Variants in RIMS1 observed in about 807,000 individuals in gnomAD.
RIMS1 encodes the protein regulating synaptic membrane exocytosis 1.
A neutral mutation model predicts 214.1 loss-of-function variants in RIMS1; 83 were observed. That is an observed-to-expected ratio of 0.39 (90% CI 0.32 to 0.47). The LOEUF (loss-of-function observed/expected upper bound fraction) is 0.47, where lower values mean the gene tolerates loss of function less well. RIMS1 is among the 20% of genes least tolerant of loss of function. RIMS1 has a pLI of 0.99. For missense variants in RIMS1, 2,050 were observed against 2,161.8 expected, an observed-to-expected ratio of 0.95 and a Z score of 1.03; for synonymous variants, 793 against 786.8, an observed-to-expected ratio of 1.01 and a Z score of -0.13.
chr6:72,183,281 C>T, intron 6 of RIMS1, 132 bp downstream of exon 6: 2 of 762,510 alleles, frequency 2.6e-6, no homozygotes, highest in Middle Eastern at 7.6e-4. Flanking sequence ...AGCGTTACCG[C>T]CAGTGGAAGG....
rs1183303526 is a variant in RIMS1, at chr6:72,196,373, G to GTTTGTCTATCTATCTATCTATCTA, written c.1678+13225_1678+13226insTTGTCTATCTATCTATCTATCTAT. 1.6e-3 allele frequency among the ~76,000 whole-genome samples: 169 copies of GTTTGTCTATCTATCTATCTATCTA among 102,432 alleles called. 1 individual carries two copies. The highest frequency in any genetic ancestry group is 6.2e-3 in the African/African-American group (165 of 26,574). The allele number at this position is 102,432 out of a possible 152,430, so 67.2% of individuals were successfully genotyped here. The stretch of plus-strand genomic sequence containing the variant: ...CCTCTGTCTGTCTGTCTGTCTGTCT[G>GTTTGTCTATCTATCTATCTATCTA]TCTGTCTATCTATCTATCTATCTAT... On this transcript the variant is annotated intron_variant, in intron 6 of 33. Transcript: ENST00000521978.
chr6:72,182,665 C>G lies in RIMS1; in HGVS notation c.1194C>G (p.Thr398=), dbSNP rs1480817024. 44 of 1,458,288 alleles carry G rather than the reference C, an allele frequency of 3.0e-5. No individual in the cohort carries two copies. In the East Asian group the frequency reaches 4.7e-4, roughly 16 times the overall value. 90.3% of individuals were successfully genotyped at this position (1,458,288 alleles called of 1,614,324 possible). ...RRHSDVALPR[T]EAGAALPEGK... Reference sequence around the variant, plus strand: ...ACAGCGACGTGGCGCTCCCGCGCACCGAGGCGGGCGCGGCGCTGCCGGAGG... The same window carrying G: ...ACAGCGACGTGGCGCTCCCGCGCACGGAGGCGGGCGCGGCGCTGCCGGAGG... Residue 398 remains threonine, a synonymous_variant, in exon 6 of 34, where the codon ACC becomes ACG. Coordinates refer to ENST00000521978, the MANE Select transcript of RIMS1 (RefSeq NM_014989.7).
chr6:72,294,080 T>C (rs2093771332), intron 26 of RIMS1, among the ~76,000 whole-genome samples: 2 of 151,680 alleles, frequency 1.3e-5, no homozygotes, highest in Admixed American at 1.3e-4. Context: ...GTTGGTGTTT[T>C]TTATGATATA....
chr6:72,084,495 A>G (rs113279366), intron 2 of RIMS1, among the ~76,000 whole-genome samples: 80 of 152,302 alleles, frequency 5.3e-4, no homozygotes, highest in African/African-American at 1.6e-3. Context: ...ATTAGAAAGC[A>G]GTAATATTGT....
chr6:72,355,018 T>C (rs1190915310), intron 29 of RIMS1, among the ~76,000 whole-genome samples: 1 of 152,206 alleles, frequency 6.6e-6, no homozygotes, highest in Non-Finnish European at 1.5e-5. Flanking sequence ...TTATGTGTTG[T>C]AATAGTGCAC....
chr6:72,073,186 T>G (rs889303490), intron 2 of RIMS1, among the ~76,000 whole-genome samples: 56 of 152,104 alleles, frequency 3.7e-4, no homozygotes, highest in Admixed American at 1.4e-3. Flanking sequence ...TTTTAGGGGG[T>G]TTTGTTTTTG....
chr6:72,293,131 A>C (rs1318530913), intron 26 of RIMS1, among the ~76,000 whole-genome samples: 1 of 152,032 alleles, frequency 6.6e-6, no homozygotes, highest in Non-Finnish European at 1.5e-5. Context: ...CTTAGTGTAG[A>C]TTTTTAAAGG....
intron 2 of RIMS1, among the ~76,000 whole-genome samples, chr6:72,054,984 A>C (rs183505336): frequency 4.5e-4 from 69 of 152,292 alleles, no homozygotes; most frequent in Admixed American, 1.6e-3. Flanking sequence ...GCATTTCATC[A>C]TGAAGTCTTT....
intron 26 of RIMS1, among the ~76,000 whole-genome samples, chr6:72,302,393 T>G (rs2094711291): frequency 1.3e-5 from 2 of 151,764 alleles, no homozygotes; most frequent in African/African-American, 4.8e-5. Flanking sequence ...ATTAAATATT[T>G]CTGATATTTA....
At chr6:72,330,960 A>C (rs9446620) in intron 28 of RIMS1, among the ~76,000 whole-genome samples, 2,045 of 151,738 alleles carry the variant, frequency 0.013, 46 homozygotes, top group African/African-American at 0.047. Flanking sequence ...AGAAAAAAAA[A>C]CTCATATTTT....
chr6:72,276,336 A>T (rs2086388215), intron 23 of RIMS1, among the ~76,000 whole-genome samples: 1 of 152,226 alleles, frequency 6.6e-6, no homozygotes, highest in Non-Finnish European at 1.5e-5. Context: ...AAAATTAAAC[A>T]TGATGATCTT....
In RIMS1 at chr6:72,390,746, G is replaced by A. The variant is rs202016391; in HGVS notation, c.4505+10G>A. ...ACAGCTCTGAGGGCAAGTAAGTGCT[G>A]TCAGCACGTCTGCATGGCTGTGGAA... is the stretch of plus-strand genomic sequence containing the variant. On this transcript the variant is annotated intron_variant, in intron 30 of 33. Coordinates refer to ENST00000521978, the MANE Select transcript of RIMS1 (RefSeq NM_014989.7). 75 of 1,613,298 alleles carry A rather than the reference G, an allele frequency of 4.6e-5. No individual in the cohort carries two copies. The Admixed American group carries it at 1.2e-3, about 27-fold the overall frequency.
Position 72,233,760 on chromosome 6 carries a change from T to C in RIMS1, c.1679-13T>C. The stretch of plus-strand genomic sequence containing the variant: ...AATACCATTACACTTTTCATTCTTT[T>C]TGTATTGCACAGGTGATTTGGATTA... On this transcript the variant is annotated splice_polypyrimidine_tract_variant and intron_variant, in intron 6 of 33. Coordinates refer to ENST00000521978, the MANE Select transcript of RIMS1 (RefSeq NM_014989.7). 6.4e-7 allele frequency: 1 copy of C among 1,551,500 alleles called. No homozygotes were observed.
intron 4 of RIMS1, among the ~76,000 whole-genome samples, chr6:72,137,898 G>A (rs1199989479): frequency 6.6e-6 from 1 of 151,780 alleles, no homozygotes; most frequent in African/African-American, 2.4e-5. Context: ...CGCCACGCCC[G>A]GCTAATTTTT....
chr6:72,368,694 G>A (rs1337228281), intron 29 of RIMS1, among the ~76,000 whole-genome samples: 1 of 152,144 alleles, frequency 6.6e-6, no homozygotes, highest in African/African-American at 2.4e-5. Flanking sequence ...TGAGGGGAGA[G>A]ATTTAGAAGC....
intron 4 of RIMS1, among the ~76,000 whole-genome samples, chr6:72,113,900 T>C (rs1188122161): frequency 6.6e-6 from 1 of 152,130 alleles, no homozygotes; most frequent in African/African-American, 2.4e-5. Flanking sequence ...CACTTTTTAA[T>C]CATTTCACTC....
intron 1 of RIMS1, among the ~76,000 whole-genome samples, chr6:71,919,445 G>A (rs1046424300): frequency 6.6e-5 from 10 of 152,026 alleles, no homozygotes; most frequent in Admixed American, 3.3e-4. Context: ...TTATCAGTTC[G>A]GTTTTGGCAT....
intron 6 of RIMS1, chr6:72,212,857 C>G: frequency 8.8e-7 from 1 of 1,137,878 alleles, no homozygotes; most frequent in Non-Finnish European, 1.1e-6. Context: ...CGAAGCTTGT[C>G]TACAGTATTT....
At chr6:71,935,574 G>A (rs568495715) in intron 1 of RIMS1, among the ~76,000 whole-genome samples, 51 of 152,272 alleles carry the variant, frequency 3.3e-4, no homozygotes, top group African/African-American at 1.2e-3. Flanking sequence ...GAACAAAATA[G>A]CTTGTTCTTG....
Sources: gnomAD v4.1 joint callset for allele counts (sites outside exome capture counted in the v4.1 genomes callset) on GRCh38, gnomAD v4.1.1 for gene constraint, MANE v1.5 for transcripts, NCBI Gene and HGNC (gene_info 2026-07-23, HGNC 2026-07-21) for gene names.